BRD10: variants seen among roughly 807,000 people sequenced by gnomAD.
BRD10 encodes the protein bromodomain containing 10.
At chr9:5,958,792 G>C in the BRD10 span, among the ~76,000 whole-genome samples, 1 of 152,148 alleles carries the variant, frequency 6.6e-6, no homozygotes. Context: ...AATCATTGTT[G>C]CAAGTAAAAA....
the BRD10 span, among the ~76,000 whole-genome samples, chr9:5,884,377 A>G: frequency 6.6e-6 from 1 of 152,146 alleles, no homozygotes; most frequent in Non-Finnish European, 1.5e-5. Context: ...GGCGCCCAGG[A>G]CCGGGGCCTC....
the BRD10 span, among the ~76,000 whole-genome samples, chr9:5,987,194 T>C: frequency 6.6e-6 from 1 of 152,348 alleles, no homozygotes; most frequent in Non-Finnish European, 1.5e-5. Flanking sequence ...TTATTGTTTA[T>C]ATCACTACTA....
chr9:5,975,739 G>C, the BRD10 span, among the ~76,000 whole-genome samples: 1 of 152,076 alleles, frequency 6.6e-6, no homozygotes, highest in African/African-American at 2.4e-5. Flanking sequence ...TAGAAGAGAA[G>C]AGATGATTAC....
the BRD10 span, among the ~76,000 whole-genome samples, chr9:5,988,042 A>C: frequency 1.3e-5 from 2 of 152,216 alleles, no homozygotes; most frequent in African/African-American, 2.4e-5. Context: ...TTCTGTTCTA[A>C]AACTACAAAC....
At chr9:5,937,001 G>A in the BRD10 span, among the ~76,000 whole-genome samples, 7 of 152,302 alleles carry the variant, frequency 4.6e-5, no homozygotes, top group Middle Eastern at 0.01. Flanking sequence ...GGAGGCTGAG[G>A]TGGGTGGATC....
chr9:5,918,385 A>C, the BRD10 span, among the ~76,000 whole-genome samples: 38 of 152,338 alleles, frequency 2.5e-4, no homozygotes, highest in African/African-American at 9.1e-4. Flanking sequence ...TAATGGATAT[A>C]AAGATCCAAT....
At chr9:5,881,345 G>A in the BRD10 span, among the ~76,000 whole-genome samples, 1 of 152,236 alleles carries the variant, frequency 6.6e-6, no homozygotes, top group African/African-American at 2.4e-5. Context: ...ACCAGGTCTT[G>A]TGGGATTGTA....
At chr9:5,916,062 T>G in the BRD10 span, among the ~76,000 whole-genome samples, 2 of 152,326 alleles carry the variant, frequency 1.3e-5, no homozygotes, top group African/African-American at 4.8e-5. Context: ...TTTCTAAGCC[T>G]CAAGCACCAT....
the BRD10 span, among the ~76,000 whole-genome samples, chr9:5,971,662 C>T: frequency 4.6e-5 from 7 of 152,154 alleles, no homozygotes; most frequent in South Asian, 1.5e-3. Flanking sequence ...ATTTGAGTAC[C>T]TAAAAAATAT....
the BRD10 span, among the ~76,000 whole-genome samples, chr9:5,970,540 C>A: frequency 1.3e-5 from 2 of 152,076 alleles, no homozygotes; most frequent in African/African-American, 4.8e-5. Flanking sequence ...TTTCTTAGAT[C>A]TGACACCCAA....
the BRD10 span, among the ~76,000 whole-genome samples, chr9:5,981,990 A>G: frequency 1.3e-5 from 2 of 152,134 alleles, no homozygotes; most frequent in African/African-American, 4.8e-5. Context: ...GAACTTATTT[A>G]TGTAACCAAA....
At chr9:5,879,885 A>T in the BRD10 span, among the ~76,000 whole-genome samples, 1 of 152,204 alleles carries the variant, frequency 6.6e-6, no homozygotes, top group Admixed American at 6.5e-5. Flanking sequence ...GTTCTACTGA[A>T]TTATTTTTTA....
chr9:6,005,660 G>A, the BRD10 span, among the ~76,000 whole-genome samples: 1 of 152,080 alleles, frequency 6.6e-6, no homozygotes. Flanking sequence ...TGAACTCTAA[G>A]GTTCTTCCAG....
At chr9:5,921,758 C>G in the BRD10 span, 2 of 1,613,972 alleles carry the variant, frequency 1.2e-6, no homozygotes, top group South Asian at 2.2e-5. Flanking sequence ...ACTTACCGAA[C>G]TACTTGTTGT....
At chr9:5,880,995 G>A in the BRD10 span, among the ~76,000 whole-genome samples, 1 of 152,054 alleles carries the variant, frequency 6.6e-6, no homozygotes, top group Admixed American at 6.6e-5. Flanking sequence ...GAGCCACCAC[G>A]CTCGGCCCAT....
chr9:5,906,762 A>G, the BRD10 span: 1 of 589,110 alleles, frequency 1.7e-6, no homozygotes, highest in Non-Finnish European at 3.0e-6. Flanking sequence ...CTGAAGGCAC[A>G]CAGCAAGTAA....
At chr9:5,922,828 G>A in the BRD10 span, 8 of 1,613,952 alleles carry the variant, frequency 5.0e-6, no homozygotes, top group African/African-American at 1.1e-4. Flanking sequence ...CTTTTGTATT[G>A]GTGTGGCAGG....
chr9:5,982,143 CTATG>C, the BRD10 span, among the ~76,000 whole-genome samples: 1 of 151,696 alleles, frequency 6.6e-6, no homozygotes, highest in Non-Finnish European at 1.5e-5. Context: ...AAATATATAC[CTATG>C]TAATTAAAAC....
chr9:5,954,356 A>C, the BRD10 span, among the ~76,000 whole-genome samples: 4 of 152,244 alleles, frequency 2.6e-5, no homozygotes, highest in South Asian at 2.1e-4. Context: ...TATACGGTAG[A>C]ATCTACTGCA....
Sources: gnomAD v4.1 joint callset for allele counts (sites outside exome capture counted in the v4.1 genomes callset) on GRCh38, gnomAD v4.1.1 for gene constraint, MANE v1.5 for transcripts, NCBI Gene and HGNC (gene_info 2026-07-23, HGNC 2026-07-21) for gene names.